Variants in KLHL32 observed in about 807,000 individuals in gnomAD.
KLHL32 encodes the protein kelch-like protein 32.
A neutral mutation model predicts 64.8 loss-of-function variants in KLHL32; 35 were observed. The ratio of observed to expected loss-of-function variants is 0.54; its 90% CI spans 0.41 to 0.72. The LOEUF (loss-of-function observed/expected upper bound fraction) is 0.72, where lower values mean the gene tolerates loss of function less well. Among genes scored for constraint, KLHL32 ranks in the 30% least tolerant of loss-of-function variants. The probability of loss-of-function intolerance (pLI) is 0.00; values close to 1 mark genes in which losing one functional copy is unlikely to be tolerated. For missense variants in KLHL32, 589 were observed against 768.5 expected, an observed-to-expected ratio of 0.77 and a Z score of 2.76; for synonymous variants, 259 against 281.0, an observed-to-expected ratio of 0.92 and a Z score of 0.78.
At chr6:96,938,730 G>T (rs2127997434) in intron 1 of KLHL32, among the ~76,000 whole-genome samples, 1 of 152,218 alleles carries the variant, frequency 6.6e-6, no homozygotes, top group Admixed American at 6.5e-5. Context: ...CAAGTTATTT[G>T]GTCTTGGGAA....
At chr6:97,000,850 T>C (rs976816916) in intron 3 of KLHL32, among the ~76,000 whole-genome samples, 1 of 152,110 alleles carries the variant, frequency 6.6e-6, no homozygotes, top group Non-Finnish European at 1.5e-5. Context: ...TAGTCTGTAA[T>C]AAAAAGAAAT....
At chr6:96,900,901 G>T in the KLHL32 span, among the ~76,000 whole-genome samples, 1 of 152,208 alleles carries the variant, frequency 6.6e-6, no homozygotes, top group Non-Finnish European at 1.5e-5. Context: ...AGAAACCAGA[G>T]AATTTGTAGG....
chr6:96,997,336 T>G (rs924195559), intron 3 of KLHL32, among the ~76,000 whole-genome samples: 6 of 152,126 alleles, frequency 3.9e-5, no homozygotes, highest in Non-Finnish European at 7.4e-5. Flanking sequence ...TTTCTTGCTG[T>G]GTCATGTGGG....
chr6:96,954,665 T>C (rs1173159982), intron 1 of KLHL32, among the ~76,000 whole-genome samples: 1 of 152,138 alleles, frequency 6.6e-6, no homozygotes, highest in African/African-American at 2.4e-5. Flanking sequence ...CCTCTCTTTG[T>C]TTTTCAGATG....
At chr6:97,059,167 G>T (rs767178670) in intron 4 of KLHL32, among the ~76,000 whole-genome samples, 21 of 152,208 alleles carry the variant, frequency 1.4e-4, no homozygotes, top group Non-Finnish European at 2.5e-4. Flanking sequence ...ATCTTGCCAA[G>T]CTTTGTATAA....
intron 7 of KLHL32, among the ~76,000 whole-genome samples, chr6:97,115,242 C>T (rs547972129): frequency 1.3e-5 from 2 of 152,308 alleles, no homozygotes; most frequent in East Asian, 3.9e-4. Flanking sequence ...CCTTGAACTC[C>T]TGAGCTCAAG....
intron 4 of KLHL32, among the ~76,000 whole-genome samples, chr6:97,045,324 T>A (rs1164117219): frequency 6.6e-6 from 1 of 152,222 alleles, no homozygotes; most frequent in Non-Finnish European, 1.5e-5. Context: ...TTTTTTGGTT[T>A]ACAGATGTGA....
intron 5 of KLHL32, among the ~76,000 whole-genome samples, chr6:97,073,515 A>G (rs1022029583): frequency 9.2e-5 from 14 of 152,158 alleles, no homozygotes; most frequent in Non-Finnish European, 1.5e-4. Context: ...TATAATTAAA[A>G]CATCTTTCTC....
chr6:97,065,553 G>A (rs990164963), intron 5 of KLHL32, among the ~76,000 whole-genome samples: 1 of 152,066 alleles, frequency 6.6e-6, no homozygotes, highest in East Asian at 1.9e-4. Context: ...GCAATTTTAG[G>A]ATCCTCCCAC....
upstream of KLHL32, among the ~76,000 whole-genome samples, chr6:96,919,805 C>A (rs1204733709): frequency 6.6e-6 from 1 of 152,102 alleles, no homozygotes; most frequent in African/African-American, 2.4e-5. Context: ...CAGAGAAAAT[C>A]AAGTTGCTTA....
chr6:97,131,782 A>T (rs1344071634), intron 9 of KLHL32, among the ~76,000 whole-genome samples: 1 of 152,136 alleles, frequency 6.6e-6, no homozygotes, highest in Non-Finnish European at 1.5e-5. Flanking sequence ...AGAGGTTTAG[A>T]TGCTTGTATT....
Position 97,139,546 on chromosome 6 carries a change from T to TA in KLHL32, c.*265dup. The TA allele has an allele frequency of 2.9e-6, 1 of 341,120 alleles. No individual in the cohort carries two copies. Among genetic ancestry groups the TA allele is most frequent in the Non-Finnish European group, 5.3e-6 (1 of 188,612 alleles). 21.1% of individuals were successfully genotyped at this position (341,120 alleles called of 1,614,324 possible). A position where few individuals can be genotyped will look rare whatever the true frequency, so the allele number is the denominator to read the frequency against. ...AGGTATATTGTGTTCCATGGGTCTT[T>TA]AGAGCATTCTTTGTACACTTTTTCT... is the stretch of plus-strand genomic sequence containing the variant. On this transcript the variant is annotated 3_prime_UTR_variant, in exon 11 of 11. Coordinates refer to ENST00000369261, the MANE Select transcript of KLHL32 (RefSeq NM_052904.4).
chr6:96,939,674 G>GA (rs1771041838), intron 1 of KLHL32, among the ~76,000 whole-genome samples: 1 of 152,152 alleles, frequency 6.6e-6, no homozygotes, highest in African/African-American at 2.4e-5. Flanking sequence ...CAAGGGCAGT[G>GA]AAGGGGGAAA....
intron 5 of KLHL32, among the ~76,000 whole-genome samples, chr6:97,068,149 C>A (rs1403660967): frequency 6.6e-6 from 1 of 152,030 alleles, no homozygotes; most frequent in Non-Finnish European, 1.5e-5. Flanking sequence ...ATGAAGATGT[C>A]TCTTTTTTGC....
intron 6 of KLHL32, among the ~76,000 whole-genome samples, chr6:97,103,316 C>T (rs908664712): frequency 3.3e-5 from 5 of 150,922 alleles, no homozygotes; most frequent in African/African-American, 1.2e-4. Flanking sequence ...CAGGTTCATG[C>T]GATTCTCCTG....
At chr6:96,900,185 C>T in the KLHL32 span, among the ~76,000 whole-genome samples, 1 of 152,200 alleles carries the variant, frequency 6.6e-6, no homozygotes, top group Non-Finnish European at 1.5e-5. Context: ...GTTGAACACA[C>T]TTTGCTCATC....
At chr6:97,006,615 T>C (rs1779701414) in intron 3 of KLHL32, among the ~76,000 whole-genome samples, 1 of 152,170 alleles carries the variant, frequency 6.6e-6, no homozygotes. Flanking sequence ...AATGTGTTTT[T>C]GTGGTGACCA....
chr6:97,082,613 CAA>C (rs35233098), intron 5 of KLHL32, among the ~76,000 whole-genome samples: 33 of 143,898 alleles, frequency 2.3e-4, no homozygotes, highest in South Asian at 1.1e-3. Context: ...GATTCCATCT[CAA>C]AAAAAAAAAA....
At chr6:96,999,596 C>G (rs988085932) in intron 3 of KLHL32, 1 of 763,466 alleles carries the variant, frequency 1.3e-6, no homozygotes, top group African/African-American at 1.9e-5. Flanking sequence ...TTTTCTTTTT[C>G]TGATGACAAC....
Sources: allele counts gnomAD v4.1 joint callset (sites outside exome capture counted in the v4.1 genomes callset), GRCh38; gene constraint gnomAD v4.1.1; transcripts MANE v1.5; gene names NCBI Gene and HGNC (gene_info 2026-07-23, HGNC 2026-07-21).